ZNF367: variants seen among roughly 807,000 people sequenced by gnomAD.
ZNF367 encodes the protein zinc finger protein 367.
ZNF367 carries 11 observed loss-of-function variants against 31.8 expected under a neutral mutation model. The ratio of observed to expected loss-of-function variants is 0.35; its 90% CI spans 0.22 to 0.57. The LOEUF is 0.57. Among genes scored for constraint, ZNF367 ranks in the 20% least tolerant of loss-of-function variants. The pLI, the probability that ZNF367 is intolerant of heterozygous loss-of-function variation, is 0.85. For synonymous variants in ZNF367, 199 were observed against 202.4 expected (o/e 0.98, Z 0.14); for missense variants, 353 against 484.1 (o/e 0.73, Z 2.54).
Position 96,392,461 on chromosome 9 carries a change from G to A in ZNF367, c.767C>T (p.Pro256Leu), listed in dbSNP as rs1831483643. The change falls in exon 4 of 5, where the codon CCC becomes CTC. Residue 256 changes from proline (P) to leucine (L), a missense_variant. This residue lies in a region of ZNF367 where 101 missense variants were observed against 140.0 expected (regional missense o/e 0.72). Transcript: ENST00000375256. ...CTGATGTTTGCTGAGTGTGTCCGTG[G>A]GCTCCTCTCTCTTCAGCCTGGCGTA... Reference protein sequence around the residue: ...HPYARLKREEPTDTLSKHQAA... With the variant: ...HPYARLKREELTDTLSKHQAA... 1.2e-6 allele frequency: 2 copies of A among 1,614,092 alleles called. No homozygotes were observed. The highest frequency in any genetic ancestry group is 1.7e-6 in the Non-Finnish European group (2 of 1,179,988).
chr9:96,392,205 T>C (rs973551484), intron 4 of ZNF367, 193 bp downstream of exon 4: 5 of 727,300 alleles, frequency 6.9e-6, no homozygotes, highest in Non-Finnish European at 1.1e-5. Context: ...ATTGTAATTT[T>C]CTATCACACA....
chr9:96,410,417 C>A (rs1295804133), intron 1 of ZNF367, among the ~76,000 whole-genome samples: 1 of 146,966 alleles, frequency 6.8e-6, no homozygotes, highest in East Asian at 2.0e-4. Flanking sequence ...AAAAAATTAG[C>A]CGGGCGTGGT....
In ZNF367 at chr9:96,417,976, GGGCGGCGGCGGC is replaced by G; in HGVS notation, c.45_56del (p.Pro16_Pro19del). 1 of 1,446,284 alleles carries G rather than the reference GGGCGGCGGCGGC, an allele frequency of 6.9e-7. No homozygotes were observed. Among genetic ancestry groups the G allele is most frequent in the Admixed American group, 2.7e-5 (1 of 37,164 alleles). 89.6% of individuals were successfully genotyped at this position (1,446,284 alleles called of 1,614,324 possible). Reference sequence around the variant, plus strand: ...TCGGGGAGTCGTGGCAGAAGATGACGGGCGGCGGCGGCGGCGGCGGGTTCTCCGCCATGGGCG... The same window carrying G: ...TCGGGGAGTCGTGGCAGAAGATGACGGGCGGCGGGTTCTCCGCCATGGGCG... On this transcript the variant is annotated inframe_deletion, in exon 1 of 5. Coordinates refer to ENST00000375256, the MANE Select transcript of ZNF367 (RefSeq NM_153695.4). The surrounding 1 kb of genome is among the most constrained non-coding windows in gnomAD (Gnocchi z 5.0).
Position 96,386,366 on chromosome 9 carries a change from C to A in ZNF367, c.*1871G>T, listed in dbSNP as rs899768109. The A allele has an allele frequency of 1.3e-5, 2 of 152,088 alleles. No homozygotes were observed. The highest frequency in any genetic ancestry group is 2.9e-5 in the Non-Finnish European group (2 of 67,974). 9.4% of individuals were successfully genotyped at this position (152,088 alleles called of 1,614,324 possible). A position where few individuals can be genotyped will look rare whatever the true frequency, so the allele number is the denominator to read the frequency against. ...TGAAAAATTCTTACTACCCTTCCTT[C>A]TTTAGTTAAGTTGATCAAAGTTCAA... On this transcript the variant is annotated 3_prime_UTR_variant, in exon 5 of 5. Transcript: ENST00000375256.
In ZNF367 at chr9:96,407,507, A is replaced by G. The variant is rs982740651; in HGVS notation, c.421-9193T>C. 1.3e-5 allele frequency: 17 copies of G among 1,283,328 alleles called. No individual in the cohort carries two copies. The East Asian group carries it at 3.9e-4, about 30-fold the overall frequency. 79.5% of individuals were successfully genotyped at this position (1,283,328 alleles called of 1,614,324 possible). On this transcript the variant is annotated intron_variant, in intron 1 of 4. Transcript: ENST00000375256. ...AAGATGCATGAAAAGAAAAACACCA[A>G]ACAAAAGAATGATGAAAAGACTCCA...
chr9:96,416,108 G>A lies in ZNF367; in HGVS notation c.420+1505C>T, dbSNP rs189673495. On this transcript the variant is annotated intron_variant, in intron 1 of 4. Transcript: ENST00000375256. ...TGTTGTTTTTTTTTTTTTTTTTTGA[G>A]ACGGATTCTCGCTCTTTTGCACAGG... 3.4e-3 allele frequency among the ~76,000 whole-genome samples: 433 copies of A among 128,238 alleles called. 1 individual carries two copies. Among genetic ancestry groups the A allele is most frequent in the Middle Eastern group, 8.6e-3 (2 of 232 alleles). The allele number at this position is 128,238 out of a possible 152,430, so 84.1% of individuals were successfully genotyped here.
At position 96,394,863 on chromosome 9, in the gene ZNF367, A is replaced by C. The variant is rs1831512171; in HGVS notation, c.651T>G (p.Arg217=). 6.2e-7 allele frequency: 1 copy of C among 1,614,148 alleles called. No individual in the cohort carries two copies. The highest frequency in any genetic ancestry group is 8.5e-7 in the Non-Finnish European group (1 of 1,180,004). ...VQSGQLKTHQ[R]LHTGEKPFVC... ...CAAAAGGTTTCTCTCCGGTGTGAAG[A>C]CGCTGATGTGTTTTGAGCTGTCCAC... The change falls in exon 3 of 5, where the codon CGT becomes CGG. Residue 217 remains arginine (R), a synonymous_variant. Transcript: ENST00000375256.
intron 1 of ZNF367, among the ~76,000 whole-genome samples, chr9:96,402,444 CTTTTTTTTTTTTTTTT>C (rs1174997133): frequency 1.5e-5 from 1 of 66,094 alleles, no homozygotes; most frequent in Non-Finnish European, 2.6e-5. Flanking sequence ...TTCTTTCTTT[CTTTTTTTTTTTTTTTT>C]TTTTTTTTTG....
chr9:96,411,491 A>T (rs1194812600), intron 1 of ZNF367, among the ~76,000 whole-genome samples: 1 of 151,994 alleles, frequency 6.6e-6, no homozygotes, highest in African/African-American at 2.4e-5. Context: ...TGAGAGTGGG[A>T]GTTCAAGGCT....
At chr9:96,395,836 G>A (rs1238411800) in intron 2 of ZNF367, among the ~76,000 whole-genome samples, 2 of 124,286 alleles carry the variant, frequency 1.6e-5, no homozygotes, top group African/African-American at 6.3e-5. Context: ...CACAGTGCCA[G>A]GCTCAAGTGC....
In ZNF367 at chr9:96,417,904, C is replaced by T. The variant is rs1236841751; in HGVS notation, c.129G>A (p.Thr43=). ...SVIRTTPIKP[T]CGGGGEPEPP... is the part of the protein sequence containing the mutation. ...GCTCCGGCTCCCCTCCACCGCCGCA[C>T]GTTGGCTTGATCGGGGTCGTCCTGA... Residue 43 remains threonine, a synonymous_variant, in exon 1 of 5, where the codon ACG becomes ACA. Transcript: ENST00000375256. This position sits in a 1 kb window ranked among gnomAD's most constrained non-coding sequence, Gnocchi z 5.0. 2.6e-6 allele frequency: 4 copies of T among 1,527,854 alleles called. No individual in the cohort carries two copies. The highest frequency in any genetic ancestry group is 2.1e-5 in the Admixed American group (1 of 48,734). The allele number at this position is 1,527,854 out of a possible 1,614,324, so 94.6% of individuals were successfully genotyped here.
intron 1 of ZNF367, among the ~76,000 whole-genome samples, chr9:96,399,404 C>G (rs1313158536): frequency 1.3e-5 from 2 of 152,120 alleles, no homozygotes; most frequent in African/African-American, 4.8e-5. Context: ...GTGGCTCAGC[C>G]TATAATCCCA....
At chr9:96,404,349 C>T (rs1831644127) in intron 1 of ZNF367, among the ~76,000 whole-genome samples, 1 of 152,200 alleles carries the variant, frequency 6.6e-6, no homozygotes, top group South Asian at 2.1e-4. Flanking sequence ...AATCCCAGCA[C>T]TTTGAGAGGC....
At position 96,417,834 on chromosome 9, in the gene ZNF367, T is replaced by C; in HGVS notation, c.199A>G (p.Met67Val). 1.3e-6 allele frequency: 2 copies of C among 1,489,268 alleles called. No individual in the cohort carries two copies. The highest frequency in any genetic ancestry group is 1.8e-6 in the Non-Finnish European group (2 of 1,128,098). The allele number at this position is 1,489,268 out of a possible 1,614,324, so 92.3% of individuals were successfully genotyped here. ...IPTSPGFSDF[M>V]VYPWRWGENA... The stretch of plus-strand genomic sequence containing the variant: ...TCGCCCCAGCGCCACGGGTACACCA[T>C]GAAGTCGCTGAAGCCGGGGCTGGTG... Residue 67 changes from methionine to valine, a missense_variant, in exon 1 of 5, where the codon ATG becomes GTG. Transcript: ENST00000375256. This position sits in a 1 kb window ranked among gnomAD's most constrained non-coding sequence, Gnocchi z 5.0.
chr9:96,410,485 C>G (rs1016717577), intron 1 of ZNF367, among the ~76,000 whole-genome samples: 4 of 148,866 alleles, frequency 2.7e-5, no homozygotes, highest in Admixed American at 2.0e-4. Context: ...TGGCGTGAAT[C>G]CAGGAGGCGG....
At chr9:96,409,501 GCTAA>G (rs1291468407) in intron 1 of ZNF367, among the ~76,000 whole-genome samples, 1 of 152,184 alleles carries the variant, frequency 6.6e-6, no homozygotes, top group Non-Finnish European at 1.5e-5. Context: ...TTTAGCCTGA[GCTAA>G]CTGACTCAGT....
At chr9:96,397,863 A>C (rs1445248910) in intron 2 of ZNF367, among the ~76,000 whole-genome samples, 4 of 151,912 alleles carry the variant, frequency 2.6e-5, no homozygotes, top group Admixed American at 2.0e-4. Flanking sequence ...AGGCCGAGGC[A>C]GGCGGATCAC....
At chr9:96,416,786 A>T (rs1442779006) in intron 1 of ZNF367, among the ~76,000 whole-genome samples, 1 of 152,206 alleles carries the variant, frequency 6.6e-6, no homozygotes, top group Admixed American at 6.5e-5. Context: ...ATAGTCTTCT[A>T]GATAGAAATA....
In ZNF367 at chr9:96,418,221, C is replaced by T. The variant is rs1831863185; in HGVS notation, c.-189G>A. On this transcript the variant is annotated 5_prime_UTR_variant, in exon 1 of 5. Transcript: ENST00000375256. ...CGGCACCGGCGGGCAGGGCTGGACC[C>T]CAGCCCCAGGTCAAGCGCGCCCTCC... 1 of 869,372 alleles carries T rather than the reference C, an allele frequency of 1.2e-6. No individual in the cohort carries two copies. The highest frequency in any genetic ancestry group is 5.2e-5 in the South Asian group (1 of 19,282). The allele number at this position is 869,372 out of a possible 1,614,324, so 53.9% of individuals were successfully genotyped here. A position where few individuals can be genotyped will look rare whatever the true frequency, so the allele number is the denominator to read the frequency against.
Sources: gnomAD v4.1 joint callset for allele counts (sites outside exome capture counted in the v4.1 genomes callset) on GRCh38, gnomAD v4.1.1 for gene constraint, gnomAD v4.1.1 regional missense constraint, Gnocchi (gnomAD v3.1) non-coding constraint, MANE v1.5 for transcripts, NCBI Gene and HGNC (gene_info 2026-07-23, HGNC 2026-07-21) for gene names.